Variants in TET3 observed in about 807,000 individuals in gnomAD.
TET3 encodes the protein methylcytosine dioxygenase TET3.
A neutral mutation model predicts 141.4 loss-of-function variants in TET3; 19 were observed. That is an observed-to-expected ratio of 0.13 (90% CI 0.09 to 0.20). The LOEUF is 0.20. TET3 is among the 10% of genes least tolerant of loss of function. The pLI is 1.00. For missense variants in TET3, 1,874 were observed against 2,356.9 expected (o/e 0.80, Z 4.24); for synonymous variants, 1,043 against 980.9 (o/e 1.06, Z -1.18).
At chr2:74,072,669 T>G (rs1411941682) in intron 4 of TET3, among the ~76,000 whole-genome samples, 5 of 152,234 alleles carry the variant, frequency 3.3e-5, no homozygotes, top group Non-Finnish European at 7.3e-5. Context: ...TTCACAATAT[T>G]GTGCAACTGA....
At chr2:74,127,184 C>G in the TET3 span, among the ~76,000 whole-genome samples, 1 of 152,180 alleles carries the variant, frequency 6.6e-6, no homozygotes. Context: ...GCAGAAGGGA[C>G]GGACTCATGC....
chr2:74,046,459 A>C lies in TET3; in HGVS notation c.542A>C (p.Asp181Ala). 2.5e-6 allele frequency: 4 copies of C among 1,610,730 alleles called. No individual in the cohort carries two copies. Among genetic ancestry groups the C allele is most frequent in the Non-Finnish European group, 3.4e-6 (4 of 1,177,996 alleles). ...GGPWRVDQKP[D>A]WEAAPGPAHT... is the part of the protein sequence containing the mutation. The stretch of plus-strand genomic sequence containing the variant: ...CCTTGGCGGGTAGACCAAAAGCCCG[A>C]CTGGGAGGCTGCCCCAGGCCCAGCT... The change falls in exon 4 of 12, where the codon GAC (aspartate) becomes GCC (alanine). Residue 181 changes from aspartate (D) to alanine (A), a missense_variant. Physicochemically the swap from Asp to Ala is moderately radical, Grantham distance 126. Transcript: ENST00000409262. This position sits in a 1 kb window ranked among gnomAD's most constrained non-coding sequence, Gnocchi z 4.3.
At chr2:74,088,099 G>T in intron 7 of TET3, 61 bp downstream of exon 7, 1 of 1,496,188 alleles carries the variant, frequency 6.7e-7, no homozygotes, top group Non-Finnish European at 9.0e-7. Context: ...AGCAAATACA[G>T]GAGACTGCAG....
At chr2:74,029,985 A>G (rs749812684) in intron 3 of TET3, among the ~76,000 whole-genome samples, 3 of 152,256 alleles carry the variant, frequency 2.0e-5, no homozygotes, top group East Asian at 1.9e-4. Context: ...ATAGTGGTAC[A>G]GTATCAGTTC....
At chr2:74,045,162 A>G (rs528174101) in intron 3 of TET3, among the ~76,000 whole-genome samples, 8 of 152,188 alleles carry the variant, frequency 5.3e-5, no homozygotes, top group Admixed American at 1.3e-4. Flanking sequence ...GTCATCCGCA[A>G]TGTCTTACAT....
At chr2:74,123,670 G>A in the TET3 span, among the ~76,000 whole-genome samples, 9 of 152,144 alleles carry the variant, frequency 5.9e-5, no homozygotes, top group East Asian at 5.8e-4. Flanking sequence ...GCCTCTGCCC[G>A]GCCACCACCC....
intron 3 of TET3, among the ~76,000 whole-genome samples, chr2:74,020,951 A>C (rs1414571386): frequency 6.6e-6 from 1 of 151,446 alleles, no homozygotes; most frequent in African/African-American, 2.4e-5. Context: ...CTTCCCACTC[A>C]CTCATCTCCC....
chr2:73,996,959 A>C (rs1179383271), intron 2 of TET3, among the ~76,000 whole-genome samples: 4 of 152,256 alleles, frequency 2.6e-5, no homozygotes, highest in African/African-American at 7.2e-5. Flanking sequence ...CAGCTGGGGC[A>C]CTGTTGATGG....
At chr2:74,078,809 A>G (rs1408595342) in intron 5 of TET3, among the ~76,000 whole-genome samples, 1 of 152,260 alleles carries the variant, frequency 6.6e-6, no homozygotes, top group Admixed American at 6.5e-5. Flanking sequence ...ACAAGGTTAT[A>G]GTATGCTGTG....
At chr2:74,129,316 CAAAAAAAAAAAAAAAA>C in the TET3 span, among the ~76,000 whole-genome samples, 18 of 51,296 alleles carry the variant, frequency 3.5e-4, no homozygotes, top group East Asian at 2.2e-3. Context: ...AACTCCGTCT[CAAAAAAAAAAAAAAAA>C]AAAAAAAAAA....
rs1332784837 is a variant in TET3, at chr2:74,093,488, C to A, written c.3130-41C>A. 2 of 1,546,504 alleles carry A rather than the reference C, an allele frequency of 1.3e-6. No homozygotes were observed. Among genetic ancestry groups the A allele is most frequent in the Non-Finnish European group, 1.8e-6 (2 of 1,140,806 alleles). On this transcript the variant is annotated intron_variant, in intron 9 of 11. Coordinates refer to ENST00000409262, the MANE Select transcript of TET3 (RefSeq NM_001287491.2). This position sits in a 1 kb window ranked among gnomAD's most constrained non-coding sequence, Gnocchi z 4.2. ...CCAGGTGCAGAATCGGGGCCACTCA[C>A]CTCAGGTCATGTGAGCACCTCTCCT...
chr2:74,044,790 C>G (rs1447386724), intron 3 of TET3, among the ~76,000 whole-genome samples: 1 of 152,198 alleles, frequency 6.6e-6, no homozygotes, highest in Non-Finnish European at 1.5e-5. Context: ...TCCCTTTACT[C>G]CTAAATACTT....
intron 4 of TET3, among the ~76,000 whole-genome samples, chr2:74,049,630 T>C (rs542313901): frequency 2.0e-5 from 3 of 152,304 alleles, no homozygotes; most frequent in Admixed American, 6.5e-5. Context: ...CAGACGGGTC[T>C]TGGGAAAAGG....
At position 74,093,809 on chromosome 2, in the gene TET3, G is replaced by A. The variant is rs577736797; in HGVS notation, c.3267+143G>A. 67 of 1,137,490 alleles carry A rather than the reference G, an allele frequency of 5.9e-5. No individual in the cohort carries two copies. Among genetic ancestry groups the A allele is most frequent in the African/African-American group, 5.4e-4 (34 of 62,856 alleles). The allele number at this position is 1,137,490 out of a possible 1,614,324, so 70.5% of individuals were successfully genotyped here. A position where few individuals can be genotyped will look rare whatever the true frequency, so the allele number is the denominator to read the frequency against. ...AACTCTGGAAGGTTCCCTGCAAGAC[G>A]GCCTGCCTTCGCCCACCTCCCAGAG... On this transcript the variant is annotated intron_variant, in intron 10 of 11. Coordinates refer to ENST00000409262, the MANE Select transcript of TET3 (RefSeq NM_001287491.2). The surrounding 1 kb of genome is among the most constrained non-coding windows in gnomAD (Gnocchi z 4.2).
intron 2 of TET3, among the ~76,000 whole-genome samples, chr2:73,996,144 T>C (rs922073787): frequency 2.0e-5 from 3 of 152,132 alleles, no homozygotes; most frequent in Non-Finnish European, 4.4e-5. Flanking sequence ...TGGGTTTTCT[T>C]GTTCTGGAAA....
At chr2:74,122,457 A>ATATGTGTGTGTGTGTGTGTGTG in the TET3 span, 1 of 127,502 alleles carries the variant, frequency 7.8e-6, no homozygotes, top group African/African-American at 2.9e-5. Flanking sequence ...AAATATATAT[A>ATATGTGTGTGTGTGTGTGTGTG]TGTGTGTGTG....
chr2:74,064,958 G>T (rs1438494439), intron 4 of TET3, among the ~76,000 whole-genome samples: 1 of 152,116 alleles, frequency 6.6e-6, no homozygotes, highest in Non-Finnish European at 1.5e-5. Flanking sequence ...AACCACACTG[G>T]GAGTTAGTGC....
At chr2:74,109,194 C>T (rs915523293), downstream of TET3, among the ~76,000 whole-genome samples, 2 of 152,296 alleles carry the variant, frequency 1.3e-5, no homozygotes, top group Non-Finnish European at 2.9e-5. Flanking sequence ...CCTCCTTCAG[C>T]TGGGGCTGGT....
intron 4 of TET3, among the ~76,000 whole-genome samples, chr2:74,058,917 A>G (rs1167862012): frequency 1.3e-5 from 2 of 152,244 alleles, no homozygotes; most frequent in African/African-American, 4.8e-5. Flanking sequence ...AAAATATCAG[A>G]GTCTGTAAAG....
Sources: allele counts gnomAD v4.1 joint callset (sites outside exome capture counted in the v4.1 genomes callset), GRCh38; gene constraint gnomAD v4.1.1; non-coding constraint Gnocchi (gnomAD v3.1); transcripts MANE v1.5; gene names NCBI Gene and HGNC (gene_info 2026-07-23, HGNC 2026-07-21).